TAB2: variants seen among roughly 807,000 people sequenced by gnomAD.
TAB2 encodes the protein TGF-beta-activated kinase 1 and MAP3K7-binding protein 2.
Under a neutral mutation model 65.0 loss-of-function variants are expected in TAB2, and 3 were observed. The observed-to-expected ratio is 0.05, with a 90% CI of 0.02 to 0.12. TAB2 has a LOEUF of 0.12. TAB2 is among the 10% of genes least tolerant of loss of function. The pLI, the probability that TAB2 is intolerant of heterozygous loss-of-function variation, is 1.00. For missense variants in TAB2, 623 were observed against 840.3 expected, an observed-to-expected ratio of 0.74 and a Z score of 3.20; for synonymous variants, 298 against 285.1, an observed-to-expected ratio of 1.05 and a Z score of -0.46.
chr6:149,283,406 G>A (rs1778611865), intron 1 of TAB2, among the ~76,000 whole-genome samples: 1 of 152,114 alleles, frequency 6.6e-6, no homozygotes, highest in Non-Finnish European at 1.5e-5. Context: ...TCATTTGATG[G>A]TATAGAAGAA....
chr6:149,227,143 C>G lies in TAB2; in HGVS notation c.-121+8367C>G, dbSNP rs182882923. ...AGAAAGATTCACTTCTTCTAAGAAA[C>G]CTTTAATATTAAAACGAGAGATTTT... On this transcript the variant is annotated intron_variant, in intron 1 of 1. Transcript: ENST00000606202. Among the ~76,000 whole-genome samples the G allele has an allele frequency of 4.6e-3, 699 of 152,222 alleles. 7 individuals carry two copies. The highest frequency in any genetic ancestry group is 6.9e-3 in the Non-Finnish European group (470 of 67,990).
chr6:149,234,480 T>C (rs1367836967), intron 1 of TAB2, among the ~76,000 whole-genome samples: 1 of 152,032 alleles, frequency 6.6e-6, no homozygotes, highest in Non-Finnish European at 1.5e-5. Context: ...ATCTTGTATG[T>C]ATTAGGGTTT....
At chr6:149,270,704 C>T (rs978807215) in intron 1 of TAB2, among the ~76,000 whole-genome samples, 1 of 152,214 alleles carries the variant, frequency 6.6e-6, no homozygotes, top group Non-Finnish European at 1.5e-5. Context: ...AGACCTTGCA[C>T]ATTTTCATCA....
At position 149,378,199 on chromosome 6, in the gene TAB2, G is replaced by A; in HGVS notation, c.284G>A (p.Ser95Asn). The stretch of plus-strand genomic sequence containing the variant: ...ATTTACCACCATGGAAGAGAAGGAA[G>A]TAGGATGAATGGAAGTAGGACTCTA... ...QNIYHHGREG[S>N]RMNGSRTLTH... is the part of the protein sequence containing the mutation. Residue 95 changes from serine to asparagine, a missense_variant, in exon 3 of 7, where the codon AGT becomes AAT. This residue lies in a region of TAB2 where 550 missense variants were observed against 665.7 expected (regional missense o/e 0.83). Transcript: ENST00000637181. 1 of 1,614,212 alleles carries A rather than the reference G, an allele frequency of 6.2e-7. No individual in the cohort carries two copies. The highest frequency in any genetic ancestry group is 2.2e-5 in the East Asian group (1 of 44,884).
chr6:149,221,754 T>C (rs1396414693), intron 1 of TAB2, among the ~76,000 whole-genome samples: 4 of 152,296 alleles, frequency 2.6e-5, no homozygotes, highest in South Asian at 4.2e-4. Context: ...CTCTGCTAGA[T>C]AATCAGTCCT....
chr6:149,316,439 AT>A (rs1338149930), upstream of TAB2, among the ~76,000 whole-genome samples: 27 of 152,336 alleles, frequency 1.8e-4, no homozygotes, highest in African/African-American at 6.3e-4. Flanking sequence ...CACACTGGAA[AT>A]AAAAGTATAA....
At chr6:149,318,361 C>T (rs1418523922) in intron 1 of TAB2, among the ~76,000 whole-genome samples, 1 of 152,026 alleles carries the variant, frequency 6.6e-6, no homozygotes, top group Non-Finnish European at 1.5e-5. Context: ...GGGCCCCTCC[C>T]TGCGTCGGCG....
At chr6:149,407,344 C>T (rs1782699075) in intron 6 of TAB2, among the ~76,000 whole-genome samples, 1 of 152,146 alleles carries the variant, frequency 6.6e-6, no homozygotes, top group Non-Finnish European at 1.5e-5. Context: ...TTTGCTTCAA[C>T]ATAATCTGTT....
intron 1 of TAB2, among the ~76,000 whole-genome samples, chr6:149,228,868 C>T (rs567287445): frequency 6.6e-6 from 1 of 152,228 alleles, no homozygotes; most frequent in Non-Finnish European, 1.5e-5. Flanking sequence ...TGCGTGCATG[C>T]ATGTGTGTGT....
chr6:149,381,569 C>CTTTTTTT (rs557951574), intron 3 of TAB2, among the ~76,000 whole-genome samples: 15 of 95,536 alleles, frequency 1.6e-4, no homozygotes, highest in Non-Finnish European at 1.8e-4. Context: ...CCCTCCTATT[C>CTTTTTTT]TTTTTTTTTT....
chr6:149,250,656 G>C (rs968769254), intron 1 of TAB2, among the ~76,000 whole-genome samples: 1 of 152,260 alleles, frequency 6.6e-6, no homozygotes, highest in African/African-American at 2.4e-5. Context: ...CTGGGTTTCA[G>C]AAAAGAGATT....
chr6:149,352,675 T>TAG (rs1246165033), intron 1 of TAB2, among the ~76,000 whole-genome samples: 1 of 152,246 alleles, frequency 6.6e-6, no homozygotes, highest in Non-Finnish European at 1.5e-5. Flanking sequence ...TGTTATCAAC[T>TAG]AGCGGTCTTG....
At chr6:149,409,472 G>A (rs1782771547) in intron 6 of TAB2, 105 bp from the exon 7 acceptor site, 2 of 1,025,950 alleles carry the variant, frequency 1.9e-6, no homozygotes, top group African/African-American at 1.6e-5. Context: ...CATTTGGGGA[G>A]CAAGCTGCAT....
chr6:149,366,968 A>T (rs1417219520), intron 1 of TAB2, among the ~76,000 whole-genome samples: 1 of 148,222 alleles, frequency 6.7e-6, no homozygotes, highest in Admixed American at 6.7e-5. Flanking sequence ...TTTTTTTTTC[A>T]AATCTAGATC....
intron 2 of TAB2, among the ~76,000 whole-genome samples, chr6:149,375,777 C>T (rs1296709361): frequency 2.6e-5 from 4 of 152,062 alleles, no homozygotes; most frequent in African/African-American, 7.2e-5. Context: ...AGATTGTGAT[C>T]AGTTTTTCAA....
intron 1 of TAB2, among the ~76,000 whole-genome samples, chr6:149,299,878 C>A (rs1778941168): frequency 6.6e-6 from 1 of 151,432 alleles, no homozygotes; most frequent in South Asian, 2.1e-4. Context: ...CATGGCGGTT[C>A]GTACCTGTAG....
chr6:149,314,821 C>A (rs1222814399), upstream of TAB2, among the ~76,000 whole-genome samples: 1 of 151,092 alleles, frequency 6.6e-6, no homozygotes, highest in Non-Finnish European at 1.5e-5. Context: ...GTATCAGGAC[C>A]TTACTAGACT....
chr6:149,275,721 T>C (rs2114680726), intron 1 of TAB2, among the ~76,000 whole-genome samples: 1 of 152,352 alleles, frequency 6.6e-6, no homozygotes, highest in Middle Eastern at 3.4e-3. Flanking sequence ...TGATAAGTCA[T>C]GTTGATGGTA....
At chr6:149,258,610 CCT>C (rs1352892001) in intron 1 of TAB2, among the ~76,000 whole-genome samples, 1 of 152,118 alleles carries the variant, frequency 6.6e-6, no homozygotes, top group Non-Finnish European at 1.5e-5. Flanking sequence ...ATAATTTTTC[CCT>C]GAGTTAAGTA....
Sources: allele counts gnomAD v4.1 joint callset (sites outside exome capture counted in the v4.1 genomes callset), GRCh38; gene constraint gnomAD v4.1.1; regional missense constraint gnomAD v4.1.1; transcripts MANE v1.5; gene names NCBI Gene and HGNC (gene_info 2026-07-23, HGNC 2026-07-21).